Variants in EP300 observed in about 807,000 individuals in gnomAD.
EP300 encodes histone acetyltransferase p300.
In EP300, 31 loss-of-function variants were observed where a neutral mutation model predicts 264.0. The observed-to-expected ratio is 0.12, with a 90% CI of 0.09 to 0.16. The LOEUF (loss-of-function observed/expected upper bound fraction) is 0.16, where lower values mean the gene tolerates loss of function less well. EP300 is among the 10% of genes least tolerant of loss of function. The pLI is 1.00. For missense variants in EP300, 2,766 were observed against 3,052.9 expected, an observed-to-expected ratio of 0.91 and a Z score of 2.21; for synonymous variants, 1,340 against 1,045.4, an observed-to-expected ratio of 1.28 and a Z score of -5.44.
intron 3 of EP300, 28 bp from the exon 4 acceptor site, chr22:41,127,459 C>T (rs1325817601): frequency 6.8e-6 from 11 of 1,613,208 alleles, no homozygotes; most frequent in African/African-American, 1.3e-5. Context: ...ATGACTCCTA[C>T]CATTAAATAT....
At position 41,151,892 on chromosome 22, in the gene EP300, C is replaced by T; in HGVS notation, c.2877C>T (p.Ser959=). Residue 959 remains serine, a synonymous_variant, in exon 15 of 31, where the codon AGC becomes AGT. Transcript: ENST00000263253. The stretch of plus-strand genomic sequence containing the variant: ...TATCAAATCCTCCATCTACTAGTAG[C>T]ACAGAAGTGAATTCTCAGGCCATTG... ...GQVSNPPSTS[S]TEVNSQAIAE... is the part of the protein sequence containing the mutation. 1 of 1,614,114 alleles carries T rather than the reference C, an allele frequency of 6.2e-7. No individual in the cohort carries two copies. Among genetic ancestry groups the T allele is most frequent in the Non-Finnish European group, 8.5e-7 (1 of 1,180,010 alleles).
At chr22:41,137,501 C>T in intron 7 of EP300, 152 bp from the exon 8 acceptor site, 2 of 965,386 alleles carry the variant, frequency 2.1e-6, no homozygotes, top group South Asian at 1.5e-5. Flanking sequence ...TAAAATCAGT[C>T]TAGTCACACA....
At chr22:41,155,161 G>C (rs746333657) in intron 17 of EP300, 48 bp downstream of exon 17, 6 of 1,262,778 alleles carry the variant, frequency 4.8e-6, no homozygotes, top group Non-Finnish European at 7.0e-6. Context: ...TTTGATAACA[G>C]CTTTATTGAG....
intron 2 of EP300, among the ~76,000 whole-genome samples, chr22:41,118,782 T>C: frequency 7.2e-6 from 1 of 138,834 alleles, no homozygotes; most frequent in East Asian, 2.2e-4. Context: ...ATTGACCCCA[T>C]CTTCTATTTA....
At chr22:41,149,691 T>A (rs778514944) in intron 13 of EP300, 70 bp from the exon 14 acceptor site, 43 of 1,484,212 alleles carry the variant, frequency 2.9e-5, no homozygotes, top group Non-Finnish European at 3.8e-5. Context: ...AATTTATATA[T>A]CATGCCTATG....
At position 41,164,152 on chromosome 22, in the gene EP300, T is replaced by C. The variant is rs2145756517; in HGVS notation, c.3806+22T>C. On this transcript the variant is annotated intron_variant, in intron 22 of 30. Transcript: ENST00000263253. ...CTGGGTAAGTCTTAACGTTGTTACT[T>C]TCTCTGGAATTTTTCTTTATCGTGA... 5.0e-6 allele frequency: 8 copies of C among 1,609,044 alleles called. No individual in the cohort carries two copies. In the East Asian group the frequency reaches 1.8e-4, roughly 36 times the overall value.
intron 10 of EP300, among the ~76,000 whole-genome samples, chr22:41,143,003 T>G (rs552571516): frequency 6.6e-6 from 1 of 152,220 alleles, no homozygotes; most frequent in Non-Finnish European, 1.5e-5. Flanking sequence ...TATTCTAATG[T>G]CAGTATAAAC....
Position 41,178,937 on chromosome 22 carries a change from G to C in EP300, c.7226G>C (p.Ser2409Thr). The change falls in exon 31 of 31, where the codon AGT (serine) becomes ACT (threonine). Residue 2409 changes from serine (S) to threonine (T), a missense_variant. Physicochemically the swap from Ser to Thr is moderately conservative, Grantham distance 58. Transcript: ENST00000263253. ...GACTTGAATTCAAACCTCTCACAGA[G>C]TACACTAGACATACACTAGAGACAC... Reference protein sequence around the residue: ...NSDLNSNLSQSTLDIH With the variant: ...NSDLNSNLSQTTLDIH 1.9e-6 allele frequency: 3 copies of C among 1,613,972 alleles called. No homozygotes were observed. The highest frequency in any genetic ancestry group is 2.2e-5 in the South Asian group (2 of 91,058).
chr22:41,104,363 C>G (rs1341842891), intron 1 of EP300, among the ~76,000 whole-genome samples: 1 of 151,800 alleles, frequency 6.6e-6, no homozygotes, highest in Non-Finnish European at 1.5e-5. Context: ...AATCTTGGCT[C>G]ACTGCAACCT....
intron 2 of EP300, among the ~76,000 whole-genome samples, chr22:41,120,896 G>A (rs1388909455): frequency 6.6e-6 from 1 of 152,072 alleles, no homozygotes; most frequent in African/African-American, 2.4e-5. Flanking sequence ...TTTTATTTTT[G>A]TTGAGACAGG....
At chr22:41,172,397 A>T in intron 27 of EP300, 102 bp from the exon 28 acceptor site, 1 of 1,092,592 alleles carries the variant, frequency 9.2e-7, no homozygotes, top group Non-Finnish European at 1.4e-6. Context: ...AGCTTTCAAG[A>T]CATTTTAAGC....
chr22:41,164,906 G>A (rs1335925332), intron 22 of EP300, among the ~76,000 whole-genome samples: 1 of 152,142 alleles, frequency 6.6e-6, no homozygotes, highest in African/African-American at 2.4e-5. Context: ...ACTAATCCCA[G>A]CCATGTTCCA....
At chr22:41,112,316 A>G (rs571193257) in intron 1 of EP300, among the ~76,000 whole-genome samples, 16 of 152,110 alleles carry the variant, frequency 1.1e-4, no homozygotes, top group African/African-American at 3.6e-4. Context: ...CAGCCTCCCA[A>G]GTAGCTGGGA....
intron 23 of EP300, among the ~76,000 whole-genome samples, chr22:41,167,815 TTTTTTTTTTTG>T (rs2059147772): frequency 2.3e-5 from 1 of 43,630 alleles, no homozygotes; most frequent in Non-Finnish European, 3.9e-5. Context: ...TTTGTTTTTG[TTTTTTTTTTTG>T]TTTTTTTTTT....
In EP300 at chr22:41,117,643, A is replaced by G. The variant is rs943739309; in HGVS notation, c.551A>G (p.Gln184Arg). ...NPGMLAAGNG[Q>R]GIMPNQVMNG... ...GGAATGTTGGCTGCAGGCAATGGAC[A>G]AGGGATAATGCCTAATCAAGTCATG... The change falls in exon 2 of 31, where the codon CAA becomes CGA. Residue 184 changes from glutamine to arginine, a missense_variant. Coordinates refer to ENST00000263253, the MANE Select transcript of EP300 (RefSeq NM_001429.4). 4 of 1,614,232 alleles carry G rather than the reference A, an allele frequency of 2.5e-6. No homozygotes were observed. Among genetic ancestry groups the G allele is most frequent in the Non-Finnish European group, 3.4e-6 (4 of 1,180,036 alleles).
chr22:41,123,634 A>G (rs77755926), intron 2 of EP300, among the ~76,000 whole-genome samples: 2,703 of 152,266 alleles, frequency 0.018, 72 homozygotes, highest in African/African-American at 0.062. Context: ...GAATCCTTTA[A>G]TTGGGCAGTA....
intron 27 of EP300, among the ~76,000 whole-genome samples, chr22:41,170,781 C>G (rs1310509970): frequency 6.6e-6 from 1 of 150,770 alleles, no homozygotes; most frequent in African/African-American, 2.4e-5. Flanking sequence ...CCTGCCTCAG[C>G]CTCCTGAGTA....
chr22:41,152,515 CTT>C (rs74973464), intron 16 of EP300, among the ~76,000 whole-genome samples, 165 bp downstream of exon 16: 10 of 141,658 alleles, frequency 7.1e-5, no homozygotes, highest in Admixed American at 7.1e-5. Context: ...ATTTTTCTTT[CTT>C]TTTTTTTTTT....
intron 1 of EP300, among the ~76,000 whole-genome samples, chr22:41,093,522 C>G (rs2267424): frequency 2.0e-5 from 3 of 151,948 alleles, no homozygotes; most frequent in Admixed American, 2.0e-4. Context: ...TTCCACTCTT[C>G]GAAATTTTCT....
Sources: allele counts gnomAD v4.1 joint callset (sites outside exome capture counted in the v4.1 genomes callset), GRCh38; gene constraint gnomAD v4.1.1; transcripts MANE v1.5; gene names NCBI Gene and HGNC (gene_info 2026-07-23, HGNC 2026-07-21).